The following RNF130 variants were observed in gnomAD, a reference collection of about 807,000 sequenced individuals.
RNF130 encodes the protein E3 ubiquitin-protein ligase RNF130.
Under a neutral mutation model 44.6 loss-of-function variants are expected in RNF130, and 21 were observed. The observed-to-expected ratio is 0.47, with a 90% CI of 0.33 to 0.68. RNF130 has a LOEUF of 0.68. Among genes scored for constraint, RNF130 ranks in the 30% least tolerant of loss-of-function variants. The pLI, the probability that RNF130 is intolerant of heterozygous loss-of-function variation, is 0.02. For missense variants in RNF130, 479 were observed against 560.6 expected (o/e 0.85, Z 1.47); for synonymous variants, 214 against 210.4 (o/e 1.02, Z -0.15).
chr5:180,050,451 G>A (rs1340880594), intron 1 of RNF130, among the ~76,000 whole-genome samples: 2 of 152,132 alleles, frequency 1.3e-5, no homozygotes, highest in African/African-American at 2.4e-5. Flanking sequence ...TGCTTTATTC[G>A]GTCTACCCAT....
chr5:179,953,442 A>C (rs1762156330), downstream of RNF130, among the ~76,000 whole-genome samples: 1 of 152,162 alleles, frequency 6.6e-6, no homozygotes, highest in African/African-American at 2.4e-5. Flanking sequence ...TATGAAACCA[A>C]TGGAAGAATT....
intron 2 of RNF130, among the ~76,000 whole-genome samples, chr5:180,017,163 C>T (rs889085315): frequency 4.6e-5 from 7 of 152,172 alleles, no homozygotes; most frequent in Non-Finnish European, 1.0e-4. Flanking sequence ...TTAAAGAGTC[C>T]AATCCAGATG....
intron 2 of RNF130, among the ~76,000 whole-genome samples, chr5:180,020,795 G>C (rs578062793): frequency 6.6e-6 from 1 of 152,140 alleles, no homozygotes; most frequent in African/African-American, 2.4e-5. Flanking sequence ...GAGGCAGAAG[G>C]GGGGTGGGCA....
At chr5:179,994,842 C>G (rs1763166631) in intron 3 of RNF130, among the ~76,000 whole-genome samples, 1 of 152,208 alleles carries the variant, frequency 6.6e-6, no homozygotes, top group Admixed American at 6.5e-5. Context: ...CAGCTGGCTA[C>G]AGTTCTAACA....
At chr5:180,048,262 A>G (rs1764614366) in intron 1 of RNF130, among the ~76,000 whole-genome samples, 1 of 152,104 alleles carries the variant, frequency 6.6e-6, no homozygotes, top group African/African-American at 2.4e-5. Context: ...ACTGGTTTAC[A>G]TGGAAGGGGC....
chr5:179,927,585 TC>T (rs1448383563), intron 7 of RNF130, among the ~76,000 whole-genome samples: 2 of 138,008 alleles, frequency 1.4e-5, no homozygotes, highest in Non-Finnish European at 1.5e-5. Context: ...TTTAGCTTTG[TC>T]TTTTTTTTTT....
At chr5:179,951,597 A>ATGGTCTCGATCAGAATATG (rs1331756556), downstream of RNF130, among the ~76,000 whole-genome samples, 1 of 152,108 alleles carries the variant, frequency 6.6e-6, no homozygotes, top group East Asian at 1.9e-4. Flanking sequence ...GTTGGCCAGG[A>ATGGTCTCGATCAGAATATG]TGGTCTCGAT....
intron 7 of RNF130, among the ~76,000 whole-genome samples, chr5:179,948,692 G>GA (rs954268588): frequency 6.6e-6 from 1 of 151,882 alleles, no homozygotes; most frequent in African/African-American, 2.4e-5. Flanking sequence ...GAGAGAGAGA[G>GA]AAAAAAAGAG....
intron 1 of RNF130, among the ~76,000 whole-genome samples, chr5:180,067,275 A>T (rs1323830113): frequency 6.6e-6 from 1 of 152,044 alleles, no homozygotes; most frequent in African/African-American, 2.4e-5. Context: ...CATTCCTATT[A>T]ATTTTTTTAA....
chr5:180,065,622 T>C (rs1263471916), intron 1 of RNF130, among the ~76,000 whole-genome samples: 1 of 152,096 alleles, frequency 6.6e-6, no homozygotes, highest in Non-Finnish European at 1.5e-5. Context: ...TAGCTGGGTG[T>C]GGTGGTGGGC....
intron 2 of RNF130, among the ~76,000 whole-genome samples, chr5:180,022,623 C>T (rs763746323): frequency 1.1e-4 from 16 of 152,188 alleles, no homozygotes; most frequent in Admixed American, 3.3e-4. Flanking sequence ...TCAATGTACA[C>T]GGAGCTCACG....
At chr5:180,027,136 A>T (rs1255369805) in intron 2 of RNF130, among the ~76,000 whole-genome samples, 1 of 152,188 alleles carries the variant, frequency 6.6e-6, no homozygotes, top group Non-Finnish European at 1.5e-5. Flanking sequence ...AAACTGGCAC[A>T]GGAGCAGGAC....
intron 3 of RNF130, among the ~76,000 whole-genome samples, chr5:179,995,990 T>C (rs1049355474): frequency 2.6e-5 from 4 of 152,218 alleles, no homozygotes; most frequent in African/African-American, 9.7e-5. Flanking sequence ...TGTTTTCTAT[T>C]TCTGTGAATA....
intron 2 of RNF130, among the ~76,000 whole-genome samples, chr5:180,023,693 T>C (rs1763924021): frequency 6.6e-6 from 1 of 152,148 alleles, no homozygotes; most frequent in Admixed American, 6.5e-5. Context: ...TAAATACCCA[T>C]GGGTCCATAA....
intron 7 of RNF130, among the ~76,000 whole-genome samples, chr5:179,926,793 T>C (rs1761712857): frequency 6.6e-6 from 1 of 152,248 alleles, no homozygotes; most frequent in Non-Finnish European, 1.5e-5. Flanking sequence ...GGGCTTGCGC[T>C]GGGCATTGGA....
chr5:179,975,482 G>C (rs562824583), intron 5 of RNF130, among the ~76,000 whole-genome samples: 9 of 152,222 alleles, frequency 5.9e-5, no homozygotes, highest in Non-Finnish European at 1.2e-4. Flanking sequence ...CTAGCTTAAA[G>C]ACTGTCACAA....
chr5:179,932,173 G>A (rs1761819116), intron 7 of RNF130, among the ~76,000 whole-genome samples: 1 of 151,800 alleles, frequency 6.6e-6, no homozygotes, highest in South Asian at 2.1e-4. Context: ...GAAGCAAAGA[G>A]CAAAATTTTA....
chr5:180,005,086 T>A (rs1390769874), intron 3 of RNF130, among the ~76,000 whole-genome samples: 1 of 152,164 alleles, frequency 6.6e-6, no homozygotes, highest in African/African-American at 2.4e-5. Context: ...TCCTTCTCCC[T>A]AAGTCTCTCG....
chr5:180,013,627 A>C (rs186560747), intron 2 of RNF130, among the ~76,000 whole-genome samples: 9 of 152,372 alleles, frequency 5.9e-5, no homozygotes, highest in Non-Finnish European at 1.0e-4. Flanking sequence ...GACAACAGAC[A>C]GCAACATAAC....
Sources: allele counts gnomAD v4.1 joint callset (sites outside exome capture counted in the v4.1 genomes callset), GRCh38; gene constraint gnomAD v4.1.1; transcripts MANE v1.5; gene names NCBI Gene and HGNC (gene_info 2026-07-23, HGNC 2026-07-21).